PDHA1: variants seen among roughly 807,000 people sequenced by gnomAD.
The protein encoded by PDHA1 is pyruvate dehydrogenase E1 subunit alpha 1, also known as pyruvate dehydrogenase E1 component subunit alpha, somatic form, mitochondrial.
A neutral mutation model predicts 33.0 loss-of-function variants in PDHA1; 1 was observed. The ratio of observed to expected loss-of-function variants is 0.03; its 90% CI spans 0.01 to 0.14. PDHA1 has a LOEUF of 0.14. PDHA1 is among the 10% of genes least tolerant of loss of function. PDHA1 has a pLI of 1.00. For synonymous variants in PDHA1, 123 were observed against 119.2 expected (o/e 1.03, Z -0.21); for missense variants, 168 against 325.1 (o/e 0.52, Z 3.72).
At chrX:19,347,694 T>C (rs2063143112) in intron 1 of PDHA1, among the ~76,000 whole-genome samples, 1 of 112,984 alleles carries the variant, frequency 8.9e-6, no homozygotes, top group South Asian at 3.6e-4. Context: ...AATAAATTTC[T>C]GGCCCCACAA....
chrX:19,355,768 A>G lies in PDHA1; in HGVS notation c.831+11A>G, dbSNP rs1428648620. Reference sequence around the variant, plus strand: ...TGTAGATCTGGGAAGGTAAGGCTCTAAAGCCCTCTGGGCTAGTGACATTTA... The same window carrying G: ...TGTAGATCTGGGAAGGTAAGGCTCTGAAGCCCTCTGGGCTAGTGACATTTA... On this transcript the variant is annotated intron_variant, in intron 8 of 10. Transcript: ENST00000422285. 1 of 1,168,154 alleles carries G rather than the reference A, an allele frequency of 8.6e-7. No homozygotes were observed. The highest frequency in any genetic ancestry group is 1.2e-6 in the Non-Finnish European group (1 of 856,378).
In PDHA1 at chrX:19,343,973, G is replaced by T; in HGVS notation, c.-65G>T. On this transcript the variant is annotated 5_prime_UTR_variant, in exon 1 of 11. Coordinates refer to ENST00000422285, the MANE Select transcript of PDHA1 (RefSeq NM_000284.4). ...CTGCTGGGGCACCTGAAGGAGACTT[G>T]GGGGCACCCGCGTCGTGCCTCCTGG... 1 of 1,055,463 alleles carries T rather than the reference G, an allele frequency of 9.5e-7. No individual in the cohort carries two copies. The highest frequency in any genetic ancestry group is 1.9e-5 in the South Asian group (1 of 52,599). The allele number at this position is 1,055,463 out of a possible 1,213,427, so 87.0% of individuals were successfully genotyped here.
rs900773714 is a variant in PDHA1 at position 19,347,589 on chromosome X, C to T, written c.58-1723C>T. 2.7e-5 allele frequency among the ~76,000 whole-genome samples: 3 copies of T among 112,516 alleles called. No individual in the cohort carries two copies. The Admixed American group carries it at 2.8e-4, about 11-fold the overall frequency. On this transcript the variant is annotated intron_variant, in intron 1 of 10. Transcript: ENST00000422285. ...AACTCTAGGATTGAGAAAGAAGTTACCTTTTCTCTGTTACTGTCGCCTGGC... is the reference window on the plus strand; with the variant it reads ...AACTCTAGGATTGAGAAAGAAGTTATCTTTTCTCTGTTACTGTCGCCTGGC...
At chrX:19,351,967 T>G (rs182143648) in intron 4 of PDHA1, among the ~76,000 whole-genome samples, 9 of 108,750 alleles carry the variant, frequency 8.3e-5, no homozygotes, top group African/African-American at 2.7e-4. Flanking sequence ...CCTGGCTAAT[T>G]TTTGTATTTT....
In PDHA1 at chrX:19,355,683, C is replaced by T; in HGVS notation, c.760-3C>T. 5 of 1,203,891 alleles carry T rather than the reference C, an allele frequency of 4.2e-6. No individual in the cohort carries two copies. Among genetic ancestry groups the T allele is most frequent in the Non-Finnish European group, 3.4e-6 (3 of 888,605 alleles). ...GCTTCGCCCCTCCCCTGTTTATTAC[C>T]AGGTGGATGGAATGGATATCCTGTG... On this transcript the variant is annotated splice_region_variant and splice_polypyrimidine_tract_variant and intron_variant, in intron 7 of 10. Transcript: ENST00000422285.
chrX:19,345,573 A>T (rs7879196), intron 1 of PDHA1, among the ~76,000 whole-genome samples: 857 of 4,812 alleles, frequency 0.18, 22 homozygotes, highest in African/African-American at 0.25. Context: ...TCCGTATTTT[A>T]AAAAAAAAAA....
intron 1 of PDHA1, among the ~76,000 whole-genome samples, chrX:19,346,877 A>C (rs1317604061): frequency 1.8e-5 from 2 of 112,229 alleles, no homozygotes; most frequent in Non-Finnish European, 3.8e-5. Flanking sequence ...AAGAGTTTTA[A>C]TTTACACTGT....
chrX:19,356,167 A>G (rs2063197344), intron 8 of PDHA1, among the ~76,000 whole-genome samples: 1 of 112,037 alleles, frequency 8.9e-6, no homozygotes, highest in Admixed American at 9.5e-5. Flanking sequence ...CAAATTAAAC[A>G]GTATGGTAGA....
Position 19,360,670 on chromosome X carries a change from A to T in PDHA1, c.*1017A>T, listed in dbSNP as rs900536893. 1.9e-5 allele frequency: 14 copies of T among 735,038 alleles called. No homozygotes were observed. The Admixed American group carries it at 2.7e-4, about 14-fold the overall frequency. 60.6% of individuals were successfully genotyped at this position (735,038 alleles called of 1,213,427 possible). A position where few individuals can be genotyped will look rare whatever the true frequency, so the allele number is the denominator to read the frequency against. On this transcript the variant is annotated 3_prime_UTR_variant, in exon 11 of 11. Transcript: ENST00000422285. ...TTTTTAAATATGTAAACACAGCGGA[A>T]TTCGTGTATACACTAACAGAAGCTT...
Position 19,360,712 on chromosome X carries a change from G to A in PDHA1, c.*1059G>A, listed in dbSNP as rs15816. On this transcript the variant is annotated 3_prime_UTR_variant, in exon 11 of 11. Transcript: ENST00000422285. ...CAGAAGCTTTAACAAAACATGTAGC[G>A]TGGTGGGACACTCTGCCACAGCTTA... 83,620 of 1,048,618 alleles carry A rather than the reference G, an allele frequency of 0.08. 10,344 individuals carry two copies. Among genetic ancestry groups the A allele is most frequent in the African/African-American group, 0.67 (35,936 of 53,838 alleles). 86.4% of individuals were successfully genotyped at this position (1,048,618 alleles called of 1,213,427 possible).
At position 19,358,940 on chromosome X, in the gene PDHA1, G is replaced by T; in HGVS notation, c.924G>T (p.Gln308His). Residue 308 changes from glutamine (Q) to histidine (H), a missense_variant, in exon 10 of 11, where the codon CAG becomes CAT. Around this residue, in one of 5 missense-constraint regions of PDHA1, gnomAD observed 58 missense variants for 63.4 expected, o/e 0.92. Coordinates refer to ENST00000422285, the MANE Select transcript of PDHA1 (RefSeq NM_000284.4). ...GVSYRTREEI[Q>H]EVRSKSDPIM... ...GTTACCGTACACGAGAAGAAATTCA[G>T]GAAGTAAGAAGTAAGAGTGACCCTA... 8.4e-7 allele frequency: 1 copy of T among 1,190,969 alleles called. No homozygotes were observed. Among genetic ancestry groups the T allele is most frequent in the Non-Finnish European group, 1.1e-6 (1 of 876,562 alleles).
Position 19,355,724 on chromosome X carries a change from A to G in PDHA1, c.798A>G (p.Thr266=), listed in dbSNP as rs35752213. Residue 266 remains threonine, a synonymous_variant, in exon 8 of 11, where the codon ACA becomes ACG. Transcript: ENST00000422285. ...GMDILCVREA[T]RFAAAYCRSG... is the part of the protein sequence containing the mutation. The stretch of plus-strand genomic sequence containing the variant: ...ATATCCTGTGCGTCCGAGAGGCAAC[A>G]AGGTTTGCTGCTGCCTATTGTAGAT... 382 of 1,207,412 alleles carry G rather than the reference A, an allele frequency of 3.2e-4. No homozygotes were observed. In the African/African-American group the frequency reaches 5.6e-3, roughly 18 times the overall value.
rs182836908 is a variant in PDHA1, at chrX:19,360,510, A to G, written c.*857A>G. 8.1e-4 allele frequency: 242 copies of G among 297,630 alleles called. 1 individual carries two copies. Among genetic ancestry groups the G allele is most frequent in the African/African-American group, 6.2e-3 (220 of 35,699 alleles). The allele number at this position is 297,630 out of a possible 1,213,427, so 24.5% of individuals were successfully genotyped here. A position where few individuals can be genotyped will look rare whatever the true frequency, so the allele number is the denominator to read the frequency against. On this transcript the variant is annotated 3_prime_UTR_variant, in exon 11 of 11. Coordinates refer to ENST00000422285, the MANE Select transcript of PDHA1 (RefSeq NM_000284.4). ...GCTGGGACTACAAGTGAATTTCCTA[A>G]TATTCCGGGAGGTCAAAACCAAGGC...
chrX:19,359,149 A>T, intron 10 of PDHA1, 125 bp downstream of exon 10: 1 of 515,331 alleles, frequency 1.9e-6, no homozygotes. Flanking sequence ...AAATAGTTCC[A>T]TAGTTCCAAA....
At position 19,349,414 on chromosome X, in the gene PDHA1, ACT is replaced by A. The variant is rs758845526; in HGVS notation, c.117+46_117+47del. 9.1e-4 allele frequency: 670 copies of A among 738,229 alleles called. 1 individual carries two copies. In the African/African-American group the frequency reaches 0.012, roughly 13 times the overall value. The allele number at this position is 738,229 out of a possible 1,213,427, so 60.8% of individuals were successfully genotyped here. The stretch of plus-strand genomic sequence containing the variant: ...TTGTTAATAATTTTTTCACAGGTAC[ACT>A]CTGATATACAGTTTTACCTTTAGAA... On this transcript the variant is annotated intron_variant, in intron 2 of 10. Coordinates refer to ENST00000422285, the MANE Select transcript of PDHA1 (RefSeq NM_000284.4).
intron 1 of PDHA1, chrX:19,345,748 C>A (rs761234278): frequency 2.3e-5 from 5 of 220,938 alleles, no homozygotes; most frequent in East Asian, 3.0e-4. Context: ...TGCAGGGTCC[C>A]CCCCCCCCCG....
At chrX:19,346,181 C>G (rs934630135) in intron 1 of PDHA1, among the ~76,000 whole-genome samples, 5 of 112,220 alleles carry the variant, frequency 4.5e-5, no homozygotes, top group Admixed American at 9.5e-5. Flanking sequence ...CACTAGACTC[C>G]TACCATCTGT....
intron 9 of PDHA1, 119 bp downstream of exon 9, chrX:19,357,838 A>AGTTGT: frequency 3.5e-6 from 2 of 576,641 alleles, no homozygotes; most frequent in East Asian, 6.7e-5. Context: ...TCATGTACGC[A>AGTTGT]GTTGTGTTGG....
Position 19,361,590 on chromosome X carries a change from A to G in PDHA1, c.*1937A>G. The G allele has an allele frequency of 8.4e-7, 1 of 1,190,320 alleles. No homozygotes were observed. The highest frequency in any genetic ancestry group is 3.0e-5 in the East Asian group (1 of 33,767). ...GTAGGGGCCTGCTGGGTTCTCTGTAATACCTGTAACGATTGGCAATTTGTT... is the reference window on the plus strand; with the variant it reads ...GTAGGGGCCTGCTGGGTTCTCTGTAGTACCTGTAACGATTGGCAATTTGTT... On this transcript the variant is annotated 3_prime_UTR_variant, in exon 11 of 11. Transcript: ENST00000422285.
Sources: gnomAD v4.1 joint callset for allele counts (sites outside exome capture counted in the v4.1 genomes callset) on GRCh38, gnomAD v4.1.1 for gene constraint, gnomAD v4.1.1 regional missense constraint, MANE v1.5 for transcripts, NCBI Gene and HGNC (gene_info 2026-07-23, HGNC 2026-07-21) for gene names.